The following ARHGAP26 variants were observed in gnomAD, a reference collection of about 807,000 sequenced individuals.
ARHGAP26 encodes rho GTPase-activating protein 26.
Under a neutral mutation model 104.8 loss-of-function variants are expected in ARHGAP26, and 38 were observed. That is an observed-to-expected ratio of 0.36 (90% CI 0.28 to 0.48). The LOEUF is 0.48. Ranked by LOEUF, ARHGAP26 falls within the 20% of genes least tolerant of loss-of-function variation. The pLI is 0.99. For missense variants in ARHGAP26, 704 were observed against 947.9 expected, an observed-to-expected ratio of 0.74 and a Z score of 3.38; for synonymous variants, 341 against 340.0, an observed-to-expected ratio of 1.00 and a Z score of -0.03.
intron 11 of ARHGAP26, among the ~76,000 whole-genome samples, chr5:142,955,124 A>ACCCC: frequency 6.7e-6 from 1 of 149,148 alleles, no homozygotes; most frequent in South Asian, 2.1e-4. Context: ...ACACACACAC[A>ACCCC]CCCCCCATCT....
intron 1 of ARHGAP26, among the ~76,000 whole-genome samples, chr5:142,856,327 G>A (rs948911135): frequency 6.6e-6 from 1 of 152,154 alleles, no homozygotes; most frequent in Non-Finnish European, 1.5e-5. Context: ...GAGGCCTTTC[G>A]GGCCAAGGAG....
At chr5:143,047,320 G>C (rs1199469266) in intron 14 of ARHGAP26, among the ~76,000 whole-genome samples, 1 of 152,162 alleles carries the variant, frequency 6.6e-6, no homozygotes, top group Non-Finnish European at 1.5e-5. Context: ...ATTCACACTG[G>C]TCTAGTCATC....
chr5:142,959,647 G>A (rs1462017186), intron 11 of ARHGAP26, among the ~76,000 whole-genome samples: 1 of 152,196 alleles, frequency 6.6e-6, no homozygotes, highest in Non-Finnish European at 1.5e-5. Context: ...ACATCACTCT[G>A]ACTTCTTTTG....
chr5:143,037,124 G>C, intron 12 of ARHGAP26, 72 bp from the exon 13 acceptor site: 1 of 1,234,786 alleles, frequency 8.1e-7, no homozygotes, highest in Non-Finnish European at 1.2e-6. Flanking sequence ...ATTCATCCTG[G>C]TTTGGTTAAG....
chr5:143,116,745 C>T (rs1795503889), intron 17 of ARHGAP26, among the ~76,000 whole-genome samples: 1 of 152,210 alleles, frequency 6.6e-6, no homozygotes, highest in African/African-American at 2.4e-5. Flanking sequence ...CATCTATTTC[C>T]TCTTAAAGCA....
intron 12 of ARHGAP26, among the ~76,000 whole-genome samples, chr5:143,030,539 C>CAGGA (rs1350568869): frequency 4.6e-5 from 7 of 152,150 alleles, no homozygotes; most frequent in African/African-American, 1.7e-4. Flanking sequence ...TGTATTGATA[C>CAGGA]AGGAAGGAAG....
At chr5:143,020,130 T>C (rs535234516) in intron 12 of ARHGAP26, among the ~76,000 whole-genome samples, 1 of 152,336 alleles carries the variant, frequency 6.6e-6, no homozygotes, top group Admixed American at 6.5e-5. Flanking sequence ...CCAGGCTTCC[T>C]GTAGCTCTTC....
At chr5:142,949,277 C>G (rs1026986037) in intron 11 of ARHGAP26, among the ~76,000 whole-genome samples, 1 of 127,342 alleles carries the variant, frequency 7.9e-6, no homozygotes, top group African/African-American at 3.2e-5. Flanking sequence ...GTAGCGAGCA[C>G]TACCGTCCAG....
rs75063083 is a variant in ARHGAP26, at chr5:143,217,770, G to T, written c.2191+3682G>T. On this transcript the variant is annotated intron_variant, in intron 22 of 22. Transcript: ENST00000645722. The stretch of plus-strand genomic sequence containing the variant: ...GGCCACCTTCACCTCTCACCTGGGC[G>T]CTTCCACTGGCCGCCTGACACATCT... 3.7e-4 allele frequency among the ~76,000 whole-genome samples: 57 copies of T among 152,286 alleles called. 1 individual carries two copies. Among genetic ancestry groups the T allele is most frequent in the African/African-American group, 1.3e-3 (54 of 41,566 alleles).
intron 20 of ARHGAP26, among the ~76,000 whole-genome samples, chr5:143,159,144 C>G (rs998733770): frequency 6.6e-6 from 1 of 152,172 alleles, no homozygotes; most frequent in Admixed American, 6.5e-5. Flanking sequence ...GGAGCAGTGA[C>G]CTTCAGTCAA....
At chr5:142,810,032 G>T (rs1438107583) in intron 1 of ARHGAP26, among the ~76,000 whole-genome samples, 2 of 152,192 alleles carry the variant, frequency 1.3e-5, no homozygotes, top group Non-Finnish European at 2.9e-5. Flanking sequence ...CCCTGGAGCA[G>T]ACTAGACCCC....
chr5:143,121,244 C>CTG, intron 18 of ARHGAP26, 97 bp downstream of exon 18: 1 of 1,220,686 alleles, frequency 8.2e-7, no homozygotes, highest in Non-Finnish European at 1.1e-6. Flanking sequence ...CATTGCTAAT[C>CTG]ACTCTTACAC....
intron 1 of ARHGAP26, among the ~76,000 whole-genome samples, chr5:142,830,045 C>T (rs957143575): frequency 6.6e-6 from 1 of 152,062 alleles, no homozygotes; most frequent in African/African-American, 2.4e-5. Context: ...AATATTGGCC[C>T]AGGGTGAACC....
chr5:143,054,189 T>C (rs1785452764), intron 14 of ARHGAP26, among the ~76,000 whole-genome samples: 1 of 152,216 alleles, frequency 6.6e-6, no homozygotes. Context: ...AAATTGCTTC[T>C]CAAAACTCTT....
intron 11 of ARHGAP26, among the ~76,000 whole-genome samples, chr5:143,012,845 G>A (rs1028513035): frequency 1.5e-4 from 22 of 151,344 alleles, no homozygotes; most frequent in African/African-American, 4.4e-4. Flanking sequence ...TAGTAGAGAC[G>A]GAGTTTCACC....
At chr5:143,030,772 G>C (rs969631075) in intron 12 of ARHGAP26, among the ~76,000 whole-genome samples, 1 of 152,226 alleles carries the variant, frequency 6.6e-6, no homozygotes, top group South Asian at 2.1e-4. Context: ...AAAATGACAC[G>C]TGCATGCACA....
intron 19 of ARHGAP26, among the ~76,000 whole-genome samples, chr5:143,141,122 G>A (rs1416612848): frequency 6.6e-6 from 1 of 152,214 alleles, no homozygotes; most frequent in Non-Finnish European, 1.5e-5. Context: ...TGCAGAAGGT[G>A]TGTAATGTGT....
chr5:142,801,456 A>G (rs1407627806), intron 1 of ARHGAP26, among the ~76,000 whole-genome samples: 2 of 152,106 alleles, frequency 1.3e-5, no homozygotes, highest in Non-Finnish European at 2.9e-5. Context: ...GAGGAAAGAC[A>G]TGAGATCCAT....
intron 1 of ARHGAP26, among the ~76,000 whole-genome samples, chr5:142,782,178 G>A (rs1200130534): frequency 1.3e-5 from 2 of 152,182 alleles, no homozygotes; most frequent in South Asian, 2.1e-4. Context: ...GAGAGGAATC[G>A]TGGTGTGTGA....
Sources: allele counts gnomAD v4.1 joint callset (sites outside exome capture counted in the v4.1 genomes callset), GRCh38; gene constraint gnomAD v4.1.1; transcripts MANE v1.5; gene names NCBI Gene and HGNC (gene_info 2026-07-23, HGNC 2026-07-21).